Variants in CSNK2A1 observed in about 807,000 individuals in gnomAD.
The protein encoded by CSNK2A1 is casein kinase II subunit alpha.
A neutral mutation model predicts 62.9 loss-of-function variants in CSNK2A1; 10 were observed. The observed-to-expected ratio is 0.16, with a 90% CI of 0.10 to 0.27. CSNK2A1 has a LOEUF of 0.27. CSNK2A1 is among the 10% of genes least tolerant of loss of function. The pLI is 1.00. For missense variants in CSNK2A1, 160 were observed against 492.0 expected, an observed-to-expected ratio of 0.33 and a Z score of 6.38; for synonymous variants, 124 against 167.8, an observed-to-expected ratio of 0.74 and a Z score of 2.02.
intron 13 of CSNK2A1, 34 bp downstream of exon 13, chr20:486,342 C>A (rs1441437899): frequency 1.9e-6 from 3 of 1,612,244 alleles, no homozygotes; most frequent in Non-Finnish European, 2.5e-6. Context: ...TTGACTTCCA[C>A]ATTTTTTTAA....
intron 4 of CSNK2A1, chr20:502,194 G>A (rs2018485445): frequency 6.6e-6 from 1 of 152,208 alleles, no homozygotes; most frequent in Non-Finnish European, 1.5e-5. Context: ...TGACTTCCAT[G>A]TAGTCCATTG....
chr20:542,020 T>C (rs1194826819), intron 1 of CSNK2A1, among the ~76,000 whole-genome samples: 1 of 152,136 alleles, frequency 6.6e-6, no homozygotes, highest in Non-Finnish European at 1.5e-5. Context: ...GCCAAATGAC[T>C]TACAACAAAA....
intron 13 of CSNK2A1, among the ~76,000 whole-genome samples, chr20:485,112 A>AATAAT (rs1883219161): frequency 2.5e-5 from 1 of 40,452 alleles, no homozygotes; most frequent in African/African-American, 9.8e-5. Context: ...AAAAAAAAAT[A>AATAAT]TATATATATA....
Position 538,683 on chromosome 20 carries a change from T to C in CSNK2A1, c.-227+4989A>G, listed in dbSNP as rs140710563. Among the ~76,000 whole-genome samples the C allele has an allele frequency of 4.0e-3, 612 of 152,278 alleles. 5 individuals carry two copies. The highest frequency in any genetic ancestry group is 9.5e-3 in the South Asian group (46 of 4,822). Reference sequence around the variant, plus strand: ...GACAGGGAGAAAAGATCTTACAAGTTTGAGCTGAGCTGGGGTGGGGTGGGA... The same window carrying C: ...GACAGGGAGAAAAGATCTTACAAGTCTGAGCTGAGCTGGGGTGGGGTGGGA... On this transcript the variant is annotated intron_variant, in intron 1 of 13. Transcript: ENST00000217244.
chr20:480,413 C>T lies in CSNK2A1; in HGVS notation c.*3548G>A, dbSNP rs956428265. The T allele has an allele frequency of 7.3e-5, 11 of 150,998 alleles. No individual in the cohort carries two copies. The highest frequency in any genetic ancestry group is 2.2e-4 in the African/African-American group (9 of 40,922). 9.4% of individuals were successfully genotyped at this position (150,998 alleles called of 1,614,324 possible). A position where few individuals can be genotyped will look rare whatever the true frequency, so the allele number is the denominator to read the frequency against. On this transcript the variant is annotated 3_prime_UTR_variant, in exon 14 of 14. Coordinates refer to ENST00000217244, the MANE Select transcript of CSNK2A1 (RefSeq NM_177559.3). ...AATACTCTTCGATCCTGAGGGAAAA[C>T]GAACCCACTTAAAAAAAAAAACAAA...
rs115483793 is a variant in CSNK2A1, at chr20:478,968, A to G, written c.*4993T>C. ...AAAAACTTCTAGTGAGTAGAGCGAC[A>G]GGGAGACAAATCCAGTTTGTAATTT... On this transcript the variant is annotated 3_prime_UTR_variant, in exon 14 of 14. Transcript: ENST00000217244. The G allele has an allele frequency of 7.5e-3, 1,184 of 157,378 alleles. 13 individuals carry two copies. Among genetic ancestry groups the G allele is most frequent in the African/African-American group, 0.027 (1,115 of 41,548 alleles). 9.7% of individuals were successfully genotyped at this position (157,378 alleles called of 1,614,324 possible). A position where few individuals can be genotyped will look rare whatever the true frequency, so the allele number is the denominator to read the frequency against.
intron 1 of CSNK2A1, chr20:540,809 C>A (rs1213414075): frequency 6.6e-6 from 1 of 152,180 alleles, no homozygotes. Flanking sequence ...CTAAAAATAA[C>A]ACAAATTTGT....
intron 7 of CSNK2A1, among the ~76,000 whole-genome samples, chr20:497,320 A>T (rs898854375): frequency 6.6e-6 from 1 of 152,080 alleles, no homozygotes; most frequent in Non-Finnish European, 1.5e-5. Flanking sequence ...GCTAATTTTT[A>T]AATTTTTTGT....
At chr20:511,707 C>T (rs199952762) in intron 2 of CSNK2A1, among the ~76,000 whole-genome samples, 12,043 of 66,882 alleles carry the variant, frequency 0.18, 536 homozygotes, top group South Asian at 0.4. Flanking sequence ...TATATATACA[C>T]ACACACACAC....
intron 8 of CSNK2A1, among the ~76,000 whole-genome samples, chr20:493,887 T>C (rs2018291248): frequency 6.6e-6 from 1 of 152,220 alleles, no homozygotes; most frequent in Non-Finnish European, 1.5e-5. Context: ...TCACTAAGCA[T>C]GAGATCCATC....
intron 2 of CSNK2A1, among the ~76,000 whole-genome samples, chr20:517,621 CT>C (rs932645535): frequency 2.0e-5 from 3 of 152,036 alleles, no homozygotes; most frequent in African/African-American, 7.2e-5. Context: ...AAAAACTGCA[CT>C]TAAAGTACGC....
intron 12 of CSNK2A1, chr20:487,190 A>G: frequency 3.5e-6 from 2 of 569,186 alleles, no homozygotes; most frequent in South Asian, 5.0e-5. Context: ...GAGAAGTGTC[A>G]TCCTCACAGT....
At chr20:508,376 T>C in intron 3 of CSNK2A1, 75 bp downstream of exon 3, 1 of 1,525,258 alleles carries the variant, frequency 6.6e-7, no homozygotes, top group East Asian at 2.3e-5. Context: ...GGAGGTTTTC[T>C]GACAAAAACT....
rs1362765595 is a variant in CSNK2A1, at chr20:499,746, G to C, written c.315+87C>G. ...AAGCAGGACTTAATGATGAGGGTTGGGGGAGGGAACAAAAAGAGGCCAGTT... is the reference window on the plus strand; with the variant it reads ...AAGCAGGACTTAATGATGAGGGTTGCGGGAGGGAACAAAAAGAGGCCAGTT... On this transcript the variant is annotated intron_variant, in intron 5 of 13. Transcript: ENST00000217244. This position sits in a 1 kb window ranked among gnomAD's most constrained non-coding sequence, Gnocchi z 4.2. The C allele has an allele frequency of 1.2e-5, 15 of 1,220,876 alleles. No homozygotes were observed. The highest frequency in any genetic ancestry group is 2.7e-4 in the Middle Eastern group (1 of 3,696). 75.6% of individuals were successfully genotyped at this position (1,220,876 alleles called of 1,614,324 possible).
chr20:510,307 C>A (rs1324449078), intron 2 of CSNK2A1: 2 of 152,192 alleles, frequency 1.3e-5, no homozygotes, highest in African/African-American at 4.8e-5. Context: ...TCCCGAGTAG[C>A]TGGGATTACA....
intron 1 of CSNK2A1, among the ~76,000 whole-genome samples, chr20:535,465 C>CA (rs1206098645): frequency 6.6e-6 from 1 of 151,960 alleles, no homozygotes; most frequent in African/African-American, 2.4e-5. Context: ...CATAAATACA[C>CA]AAAACACTGG....
chr20:512,119 C>T (rs187201050), intron 2 of CSNK2A1, among the ~76,000 whole-genome samples: 3 of 152,098 alleles, frequency 2.0e-5, no homozygotes, highest in African/African-American at 4.8e-5. Flanking sequence ...GAGCTCCTGG[C>T]CTCAAGGGAT....
intron 4 of CSNK2A1, chr20:503,448 T>C (rs919911228): frequency 7.5e-6 from 3 of 398,502 alleles, no homozygotes; most frequent in African/African-American, 6.2e-5. Context: ...ACTCTCTGGT[T>C]CTCAAAGGGC....
chr20:498,888 C>G (rs2018401104), intron 6 of CSNK2A1: 1 of 154,522 alleles, frequency 6.5e-6, no homozygotes, highest in African/African-American at 2.4e-5. Flanking sequence ...TAAGCAGTCC[C>G]TACTTTTATA....
Sources: allele counts gnomAD v4.1 joint callset (sites outside exome capture counted in the v4.1 genomes callset), GRCh38; gene constraint gnomAD v4.1.1; non-coding constraint Gnocchi (gnomAD v3.1); transcripts MANE v1.5; gene names NCBI Gene and HGNC (gene_info 2026-07-23, HGNC 2026-07-21).